The following ZBTB20 variants were observed in gnomAD, a reference collection of about 807,000 sequenced individuals.
ZBTB20 encodes the protein zinc finger and BTB domain containing 20.
Under a neutral mutation model 56.9 loss-of-function variants are expected in ZBTB20, and 9 were observed. The ratio of observed to expected loss-of-function variants is 0.16; its 90% CI spans 0.10 to 0.28. The LOEUF (loss-of-function observed/expected upper bound fraction) is 0.28. Ranked by LOEUF, ZBTB20 falls within the 10% of genes least tolerant of loss-of-function variation. ZBTB20 has a pLI of 1.00. For synonymous variants in ZBTB20, 417 were observed against 420.7 expected (o/e 0.99, Z 0.11); for missense variants, 655 against 1,003.0 (o/e 0.65, Z 4.69).
chr3:114,576,501 C>CAAAAAAAAAAAAAAAAAA (rs61714991), intron 6 of ZBTB20, among the ~76,000 whole-genome samples: 1 of 24,112 alleles, frequency 4.1e-5, no homozygotes, highest in Non-Finnish European at 7.7e-5. Context: ...GACTCCGTCT[C>CAAAAAAAAAAAAAAAAAA]AAAAAAAAAA....
At chr3:115,053,079 A>C (rs898726359) in intron 2 of ZBTB20, among the ~76,000 whole-genome samples, 1 of 152,176 alleles carries the variant, frequency 6.6e-6, no homozygotes, top group African/African-American at 2.4e-5. Flanking sequence ...TCCCCTTTCA[A>C]GAACAGTAAT....
chr3:114,509,426 G>A (rs1192310641), intron 6 of ZBTB20, among the ~76,000 whole-genome samples: 1 of 148,148 alleles, frequency 6.8e-6, no homozygotes, highest in Admixed American at 6.7e-5. Context: ...TGTGTGTGTG[G>A]TGGTGGTGGT....
intron 6 of ZBTB20, among the ~76,000 whole-genome samples, chr3:114,503,561 T>A (rs1038202280): frequency 6.6e-6 from 1 of 152,240 alleles, no homozygotes; most frequent in Non-Finnish European, 1.5e-5. Context: ...TAAGTTGTTT[T>A]TATCTGAAAT....
intron 2 of ZBTB20, among the ~76,000 whole-genome samples, chr3:115,001,912 G>A (rs2079266978): frequency 1.3e-5 from 2 of 151,470 alleles, no homozygotes; most frequent in Admixed American, 1.3e-4. Context: ...AAGTTTATAT[G>A]GAGAGGCAAA....
At chr3:114,607,920 A>C (rs750889578) in intron 6 of ZBTB20, among the ~76,000 whole-genome samples, 6 of 152,224 alleles carry the variant, frequency 3.9e-5, no homozygotes, top group Admixed American at 1.3e-4. Flanking sequence ...AACAATGTAC[A>C]GCTAGTATAA....
chr3:114,815,978 C>T (rs931536222), intron 4 of ZBTB20, among the ~76,000 whole-genome samples: 4 of 152,240 alleles, frequency 2.6e-5, no homozygotes, highest in Non-Finnish European at 2.9e-5. Context: ...GAGTCAGCTA[C>T]GCCTATAAAG....
chr3:114,454,175 G>GGAGAGAGAGAGAGAGAGAGAGAGA (rs71146322), intron 7 of ZBTB20, among the ~76,000 whole-genome samples: 13 of 116,674 alleles, frequency 1.1e-4, no homozygotes, highest in Admixed American at 9.7e-4. Context: ...AAAAGAGAAG[G>GGAGAGAGAGAGAGAGAGAGAGAGA]GAGAGAGAGA....
chr3:114,603,934 A>C (rs1039479854), intron 6 of ZBTB20, among the ~76,000 whole-genome samples: 2 of 152,034 alleles, frequency 1.3e-5, no homozygotes, highest in Non-Finnish European at 2.9e-5. Flanking sequence ...AGGTACTTTT[A>C]TATATGCCAA....
At chr3:114,810,334 G>A (rs146363796) in intron 4 of ZBTB20, among the ~76,000 whole-genome samples, 1,752 of 152,164 alleles carry the variant, frequency 0.012, 16 homozygotes, top group South Asian at 0.042. Context: ...TTTCTACTCT[G>A]AATTGTAACT....
intron 3 of ZBTB20, among the ~76,000 whole-genome samples, chr3:114,951,219 A>G (rs1170463344): frequency 6.6e-6 from 1 of 152,074 alleles, no homozygotes; most frequent in Non-Finnish European, 1.5e-5. Context: ...AACAATTGCG[A>G]CCATAAGAAT....
chr3:114,937,507 C>T (rs567007271), intron 3 of ZBTB20, among the ~76,000 whole-genome samples: 49 of 151,996 alleles, frequency 3.2e-4, no homozygotes, highest in African/African-American at 1.1e-3. Context: ...CTGCAACCTC[C>T]GGCTCCCGCG....
intron 10 of ZBTB20, among the ~76,000 whole-genome samples, chr3:114,358,237 T>C (rs1289276051): frequency 2.0e-5 from 3 of 152,228 alleles, no homozygotes; most frequent in African/African-American, 4.8e-5. Flanking sequence ...ACTGCCTTTC[T>C]TTCTATTTTC....
At chr3:114,619,952 G>A (rs1294220375) in intron 6 of ZBTB20, among the ~76,000 whole-genome samples, 1 of 152,186 alleles carries the variant, frequency 6.6e-6, no homozygotes, top group Non-Finnish European at 1.5e-5. Context: ...CTCCACGGAT[G>A]TGGAAGTTTG....
rs555521991 is a variant in ZBTB20 at position 114,740,957 on chromosome 3, A to T, written c.-342-47382T>A. On this transcript the variant is annotated intron_variant, in intron 5 of 11. Coordinates refer to ENST00000675478, the MANE Select transcript of ZBTB20 (RefSeq NM_001348800.3). ...AAACTATAGAAATACGAAACTTTAG[A>T]TAAACATGGAGATAAAAATAATATT... 7.9e-5 allele frequency among the ~76,000 whole-genome samples: 12 copies of T among 152,334 alleles called. No individual in the cohort carries two copies. The South Asian group carries it at 1.2e-3, about 16-fold the overall frequency.
intron 1 of ZBTB20, among the ~76,000 whole-genome samples, chr3:115,125,972 C>T (rs533365113): frequency 2.0e-5 from 3 of 151,830 alleles, no homozygotes; most frequent in Non-Finnish European, 4.4e-5. Flanking sequence ...GAATTAGTAT[C>T]TATAATATAA....
At position 114,328,502 on chromosome 3, in the gene ZBTB20, T is replaced by TA. The variant is rs150902011; in HGVS notation, c.*10502dup. On this transcript the variant is annotated 3_prime_UTR_variant, in exon 12 of 12. Transcript: ENST00000675478. Reference sequence around the variant, plus strand: ...TGAAGAACCTGAACACTGTGGTATTTAAAAAAAAAACAGAAAATATTTTTC... The same window carrying TA: ...TGAAGAACCTGAACACTGTGGTATTTAAAAAAAAAAACAGAAAATATTTTTC... 1.3e-3 allele frequency: 199 copies of TA among 149,614 alleles called. No homozygotes were observed. Among genetic ancestry groups the TA allele is most frequent in the Middle Eastern group, 3.4e-3 (1 of 292 alleles). The allele number at this position is 149,614 out of a possible 1,614,324, so 9.3% of individuals were successfully genotyped here.
At chr3:114,588,996 C>G (rs906694963) in intron 6 of ZBTB20, among the ~76,000 whole-genome samples, 1 of 152,058 alleles carries the variant, frequency 6.6e-6, no homozygotes, top group African/African-American at 2.4e-5. Context: ...GGAAAAGCCC[C>G]TTATAAAACC....
At chr3:114,848,223 TCA>T (rs2058966633) in intron 4 of ZBTB20, among the ~76,000 whole-genome samples, 1 of 151,892 alleles carries the variant, frequency 6.6e-6, no homozygotes, top group African/African-American at 2.4e-5. Flanking sequence ...CACCACCAAC[TCA>T]CACAACACAC....
At chr3:114,838,803 T>C (rs1054039494) in intron 4 of ZBTB20, among the ~76,000 whole-genome samples, 1 of 152,126 alleles carries the variant, frequency 6.6e-6, no homozygotes, top group South Asian at 2.1e-4. Flanking sequence ...GAGAAATTCA[T>C]AGAAGATATA....
Sources: gnomAD v4.1 joint callset for allele counts (sites outside exome capture counted in the v4.1 genomes callset) on GRCh38, gnomAD v4.1.1 for gene constraint, MANE v1.5 for transcripts, NCBI Gene and HGNC (gene_info 2026-07-23, HGNC 2026-07-21) for gene names.